DCBLD1: variants seen among roughly 807,000 people sequenced by gnomAD.
DCBLD1 encodes the protein discoidin, CUB and LCCL domain-containing protein 1.
In DCBLD1, 57 loss-of-function variants were observed where a neutral mutation model predicts 71.5. The observed-to-expected ratio is 0.80, with a 90% CI of 0.64 to 0.99. The LOEUF (loss-of-function observed/expected upper bound fraction) is 0.99. Among genes scored for constraint, DCBLD1 ranks in the 50% least tolerant of loss-of-function variants. The pLI is 0.00. For synonymous variants in DCBLD1, 380 were observed against 363.8 expected (o/e 1.04, Z -0.51); for missense variants, 891 against 923.5 (o/e 0.96, Z 0.46).
chr6:117,497,332 G>A (rs180946463), intron 1 of DCBLD1, among the ~76,000 whole-genome samples: 36 of 152,252 alleles, frequency 2.4e-4, no homozygotes, highest in African/African-American at 8.4e-4. Flanking sequence ...GTCCATACCA[G>A]GTATATCTTA....
chr6:117,519,722 G>GT, intron 2 of DCBLD1, 94 bp from the exon 3 acceptor site: 1 of 1,500,218 alleles, frequency 6.7e-7, no homozygotes, highest in Non-Finnish European at 9.1e-7. Flanking sequence ...GTATTGTCTA[G>GT]TAAATTTGGC....
intron 6 of DCBLD1, among the ~76,000 whole-genome samples, chr6:117,533,354 A>G (rs1583017519): frequency 6.6e-6 from 1 of 152,138 alleles, no homozygotes; most frequent in African/African-American, 2.4e-5. Context: ...ATTTTGTCCT[A>G]GCCCCCTCTT....
At chr6:117,560,933 G>A (rs986709750) in intron 14 of DCBLD1, 11 of 211,362 alleles carry the variant, frequency 5.2e-5, no homozygotes, top group Admixed American at 2.9e-4. Context: ...TCCTATAAAT[G>A]TGAAAATATT....
chr6:117,541,462 C>T (rs1779094666), intron 11 of DCBLD1, among the ~76,000 whole-genome samples: 1 of 152,092 alleles, frequency 6.6e-6, no homozygotes, highest in Non-Finnish European at 1.5e-5. Context: ...AATATTCATT[C>T]CAGTATCTCT....
intron 14 of DCBLD1, chr6:117,563,220 C>A (rs1779621589): frequency 1.3e-6 from 2 of 1,596,236 alleles, no homozygotes; most frequent in East Asian, 4.5e-5. Context: ...TCAGAATAGT[C>A]TGATTAACAA....
chr6:117,510,381 A>ACGTAAAAGTAAACC (rs1554264255), intron 2 of DCBLD1, among the ~76,000 whole-genome samples: 1 of 151,776 alleles, frequency 6.6e-6, no homozygotes, highest in African/African-American at 2.4e-5. Context: ...ACACACACAC[A>ACGTAAAAGTAAACC]CGTAAAAGTA....
chr6:117,555,366 G>T (rs1487465087), intron 14 of DCBLD1, among the ~76,000 whole-genome samples: 2 of 151,044 alleles, frequency 1.3e-5, no homozygotes, highest in South Asian at 2.1e-4. Flanking sequence ...AAAAATCAGG[G>T]TTTTTTTTTG....
rs754059942 is a variant in DCBLD1 at position 117,532,353 on chromosome 6, C to A, written c.679C>A (p.Arg227=). 4.3e-6 allele frequency: 7 copies of A among 1,612,880 alleles called. No homozygotes were observed. Among genetic ancestry groups the A allele is most frequent in the Non-Finnish European group, 5.9e-6 (7 of 1,179,730 alleles). The change falls in exon 6 of 15, where the codon CGA becomes AGA. Residue 227 remains arginine, a synonymous_variant. Transcript: ENST00000338728. The part of the protein sequence containing the change: ...ISVLQRKGIS[R]YEGILANGVL... ...TGTGCTTCAGCGCAAAGGGATCAGT[C>A]GATATGAAGGGATTCTGGCCAATGG...
At chr6:117,508,118 T>G (rs1004631677) in intron 2 of DCBLD1, 1 of 152,230 alleles carries the variant, frequency 6.6e-6, no homozygotes, top group Non-Finnish European at 1.5e-5. Context: ...TGTTGCCTTT[T>G]TGTAGAAGAC....
Position 117,564,563 on chromosome 6 carries a change from A to C in DCBLD1, c.1616-5057A>C, listed in dbSNP as rs139332862. ...ACCTATTTAGGTGATATATATATCT[A>C]TAAAGTATAGACGTGTGAAACAATA... On this transcript the variant is annotated intron_variant, in intron 14 of 14. Coordinates refer to the DCBLD1 transcript ENST00000296955. Among the ~76,000 whole-genome samples, 342 of 152,354 alleles carry C rather than the reference A, an allele frequency of 2.2e-3. 1 individual carries two copies. Among genetic ancestry groups the C allele is most frequent in the African/African-American group, 7.9e-3 (327 of 41,588 alleles).
At chr6:117,517,468 G>T (rs1024866267) in intron 2 of DCBLD1, among the ~76,000 whole-genome samples, 1 of 152,190 alleles carries the variant, frequency 6.6e-6, no homozygotes, top group Admixed American at 6.5e-5. Context: ...CCATTCTGGG[G>T]TCTGGTGGCC....
chr6:117,502,897 G>A (rs1033593102), intron 1 of DCBLD1, among the ~76,000 whole-genome samples: 3 of 152,130 alleles, frequency 2.0e-5, no homozygotes, highest in African/African-American at 7.2e-5. Context: ...TAGGTTAATA[G>A]GTGAACTTCC....
intron 14 of DCBLD1, among the ~76,000 whole-genome samples, chr6:117,569,188 C>T (rs111880000): frequency 2.0e-5 from 3 of 152,250 alleles, no homozygotes; most frequent in African/African-American, 7.2e-5. Flanking sequence ...CTACTTCTAG[C>T]ACTGTCTTTT....
intron 2 of DCBLD1, among the ~76,000 whole-genome samples, chr6:117,516,832 T>C (rs990784832): frequency 6.6e-6 from 1 of 152,202 alleles, no homozygotes; most frequent in African/African-American, 2.4e-5. Flanking sequence ...TCAGATCTCA[T>C]GAGACTTATT....
rs566775319 is a variant in DCBLD1, at chr6:117,560,326, T to C, written c.1616-9294T>C. The C allele has an allele frequency of 2.8e-5, 5 of 178,632 alleles. No homozygotes were observed. In the East Asian group the frequency reaches 4.7e-4, roughly 17 times the overall value. The allele number at this position is 178,632 out of a possible 1,614,324, so 11.1% of individuals were successfully genotyped here. ...AAAAATGAGATCAATATCATTTTAA[T>C]GTAGAAGATGCCATCTTTATTTACA... On this transcript the variant is annotated intron_variant, in intron 14 of 14. Coordinates refer to the DCBLD1 transcript ENST00000296955.
intron 13 of DCBLD1, among the ~76,000 whole-genome samples, chr6:117,545,261 C>CT (rs2114567608): frequency 6.6e-6 from 1 of 152,066 alleles, no homozygotes; most frequent in South Asian, 2.1e-4. Flanking sequence ...GGCAAAATAC[C>CT]TTTTAAAGGC....
intron 1 of DCBLD1, among the ~76,000 whole-genome samples, chr6:117,499,037 A>G (rs1441722751): frequency 1.3e-5 from 2 of 151,798 alleles, no homozygotes; most frequent in Non-Finnish European, 2.9e-5. Context: ...CATTTAATTC[A>G]TTGCTGAAGA....
chr6:117,564,994 T>C (rs750187090), intron 14 of DCBLD1, among the ~76,000 whole-genome samples: 10 of 152,264 alleles, frequency 6.6e-5, no homozygotes, highest in Non-Finnish European at 8.8e-5. Context: ...ATACTAAGCA[T>C]TGAGGACTCC....
At chr6:117,557,481 G>C (rs1331437616) in intron 14 of DCBLD1, among the ~76,000 whole-genome samples, 1 of 152,078 alleles carries the variant, frequency 6.6e-6, no homozygotes, top group African/African-American at 2.4e-5. Context: ...ACTCTCAAAA[G>C]TCAATTCCAG....
Sources: gnomAD v4.1 joint callset for allele counts (sites outside exome capture counted in the v4.1 genomes callset) on GRCh38, gnomAD v4.1.1 for gene constraint, MANE v1.5 for transcripts, NCBI Gene and HGNC (gene_info 2026-07-23, HGNC 2026-07-21) for gene names.